ODAD2: variants seen among roughly 807,000 people sequenced by gnomAD.
ODAD2 encodes the protein outer dynein arm-docking complex subunit 2.
ODAD2 carries 89 observed loss-of-function variants against 106.8 expected under a neutral mutation model. That is an observed-to-expected ratio of 0.83 (90% CI 0.70 to 0.99). The LOEUF (loss-of-function observed/expected upper bound fraction) is 0.99, where lower values mean the gene tolerates loss of function less well. ODAD2 is among the 50% of genes least tolerant of loss of function. The pLI is 0.00. For synonymous variants in ODAD2, 404 were observed against 436.2 expected, an observed-to-expected ratio of 0.93 and a Z score of 0.92; for missense variants, 1,168 against 1,238.5, an observed-to-expected ratio of 0.94 and a Z score of 0.85.
chr10:27,936,591 A>G lies in ODAD2; in HGVS notation c.2252+135T>C, dbSNP rs534657719. 29 of 1,035,364 alleles carry G rather than the reference A, an allele frequency of 2.8e-5. No individual in the cohort carries two copies. The Admixed American group carries it at 4.8e-4, about 17-fold the overall frequency. The allele number at this position is 1,035,364 out of a possible 1,614,324, so 64.1% of individuals were successfully genotyped here. ...TCTTTTCTATTCTAAGAATCCCTTC[A>G]TTGGGCTAACTTCATCCAGAATGTA... On this transcript the variant is annotated intron_variant, in intron 15 of 19. Coordinates refer to ENST00000305242, the MANE Select transcript of ODAD2 (RefSeq NM_018076.5).
intron 19 of ODAD2, among the ~76,000 whole-genome samples, chr10:27,857,154 ACTT>A (rs1839712658): frequency 6.6e-6 from 1 of 152,110 alleles, no homozygotes. Context: ...GACCAACTCA[ACTT>A]CTTCCTCCTC....
intron 17 of ODAD2, among the ~76,000 whole-genome samples, chr10:27,886,512 G>A (rs986491715): frequency 6.6e-6 from 1 of 152,032 alleles, no homozygotes; most frequent in African/African-American, 2.4e-5. Context: ...AGATGCAAAA[G>A]AGAGTCCTAC....
At chr10:27,926,154 A>G (rs766066471) in intron 16 of ODAD2, among the ~76,000 whole-genome samples, 1 of 152,188 alleles carries the variant, frequency 6.6e-6, no homozygotes, top group Non-Finnish European at 1.5e-5. Flanking sequence ...CAGTTGTAGC[A>G]CAAATGCAGC....
At chr10:27,935,660 T>C (rs1158322459) in intron 15 of ODAD2, among the ~76,000 whole-genome samples, 1 of 151,654 alleles carries the variant, frequency 6.6e-6, no homozygotes, top group Non-Finnish European at 1.5e-5. Context: ...TATTTGGGTT[T>C]AATAGGTCTC....
chr10:27,847,977 G>A (rs893943035), intron 19 of ODAD2, among the ~76,000 whole-genome samples: 38 of 152,156 alleles, frequency 2.5e-4, no homozygotes, highest in East Asian at 1.3e-3. Flanking sequence ...AATCAATATC[G>A]TGAAAATGGC....
intron 19 of ODAD2, among the ~76,000 whole-genome samples, chr10:27,841,831 T>G (rs1031629827): frequency 6.6e-6 from 1 of 152,148 alleles, no homozygotes; most frequent in Admixed American, 6.6e-5. Context: ...CACAGCTCAC[T>G]GCAGCCTCGA....
chr10:27,987,315 C>T, intron 3 of ODAD2, 71 bp downstream of exon 3: 2 of 1,421,804 alleles, frequency 1.4e-6, no homozygotes, highest in Non-Finnish European at 1.9e-6. Flanking sequence ...ATGATCCTCC[C>T]ACCCTTTCCC....
intron 17 of ODAD2, among the ~76,000 whole-genome samples, chr10:27,868,335 A>G (rs559726225): frequency 5.3e-4 from 80 of 152,308 alleles, no homozygotes; most frequent in African/African-American, 1.9e-3. Context: ...TTGGGTATAT[A>G]CCCAAAGGAA....
At chr10:27,859,056 C>CTT (rs10677175) in intron 19 of ODAD2, among the ~76,000 whole-genome samples, 78,667 of 149,364 alleles carry the variant, frequency 0.53, 22,232 homozygotes, top group Middle Eastern at 0.67. Context: ...TTTATAGTTT[C>CTT]TTTTTTTTTT....
intron 17 of ODAD2, among the ~76,000 whole-genome samples, chr10:27,885,731 A>AAT (rs1842123737): frequency 2.7e-5 from 1 of 36,400 alleles, no homozygotes; most frequent in Non-Finnish European, 5.4e-5. Context: ...TTATATATAA[A>AAT]ATATATTATG....
At chr10:27,973,900 A>C (rs543482219) in intron 7 of ODAD2, among the ~76,000 whole-genome samples, 1 of 152,336 alleles carries the variant, frequency 6.6e-6, no homozygotes, top group South Asian at 2.1e-4. Flanking sequence ...ACCCACCAAC[A>C]GTGTGTACGT....
At chr10:27,871,207 T>C (rs1840855308) in intron 17 of ODAD2, among the ~76,000 whole-genome samples, 1 of 151,944 alleles carries the variant, frequency 6.6e-6, no homozygotes, top group Non-Finnish European at 1.5e-5. Flanking sequence ...GGGTTGTTTG[T>C]TTTTTTCTTC....
intron 16 of ODAD2, among the ~76,000 whole-genome samples, chr10:27,908,158 CT>C (rs1407303812): frequency 6.6e-6 from 1 of 151,996 alleles, no homozygotes; most frequent in Non-Finnish European, 1.5e-5. Context: ...GTGCAGTTAC[CT>C]TTTTTATTTG....
intron 1 of ODAD2, 60 bp downstream of exon 1, chr10:27,998,934 C>CGCCGCA (rs926331315): frequency 7.6e-5 from 12 of 157,540 alleles, no homozygotes; most frequent in African/African-American, 2.9e-4. Flanking sequence ...CCCCGGGCGC[C>CGCCGCA]GCCGCCGCCG....
At chr10:27,824,578 T>C (rs1470480801) in intron 19 of ODAD2, among the ~76,000 whole-genome samples, 1 of 152,216 alleles carries the variant, frequency 6.6e-6, no homozygotes, top group African/African-American at 2.4e-5. Flanking sequence ...TATTCTGTTA[T>C]AGCAGCAGAA....
At chr10:27,857,598 C>T (rs535431336) in intron 19 of ODAD2, among the ~76,000 whole-genome samples, 12 of 152,296 alleles carry the variant, frequency 7.9e-5, no homozygotes, top group Admixed American at 2.6e-4. Flanking sequence ...TGCTGGGCAG[C>T]GCTGCTTTAC....
chr10:27,972,368 A>G (rs189967459), intron 7 of ODAD2, among the ~76,000 whole-genome samples: 2 of 152,310 alleles, frequency 1.3e-5, no homozygotes, highest in East Asian at 3.9e-4. Context: ...GAAAAAAACT[A>G]CAAAGAACAG....
Position 27,871,133 on chromosome 10 carries a change from A to AT in ODAD2, c.2611-8512dup, listed in dbSNP as rs1387733117. Reference sequence around the variant, plus strand: ...ATGATGAGCATTTTTTCGTGTGTCTATTGGCTACATAAATGTCTTCCTTTG... The same window carrying AT: ...ATGATGAGCATTTTTTCGTGTGTCTATTTGGCTACATAAATGTCTTCCTTTG... On this transcript the variant is annotated intron_variant, in intron 17 of 19. Transcript: ENST00000305242. 2.6e-5 allele frequency among the ~76,000 whole-genome samples: 4 copies of AT among 152,158 alleles called. No individual in the cohort carries two copies. The East Asian group carries it at 7.7e-4, about 29-fold the overall frequency.
chr10:27,824,138 CAAAAAAAAAA>C (rs71388934), intron 19 of ODAD2, among the ~76,000 whole-genome samples: 13 of 33,128 alleles, frequency 3.9e-4, no homozygotes, highest in African/African-American at 1.3e-3. Flanking sequence ...GACTCCGTCT[CAAAAAAAAAA>C]AAAAAAAAAA....
Sources: gnomAD v4.1 joint callset for allele counts (sites outside exome capture counted in the v4.1 genomes callset) on GRCh38, gnomAD v4.1.1 for gene constraint, MANE v1.5 for transcripts, NCBI Gene and HGNC (gene_info 2026-07-23, HGNC 2026-07-21) for gene names.